RRP8: variants seen among roughly 807,000 people sequenced by gnomAD.
RRP8 encodes ribosomal RNA-processing protein 8.
A neutral mutation model predicts 45.0 loss-of-function variants in RRP8; 48 were observed. The observed-to-expected ratio is 1.07, with a 90% CI of 0.85 to 1.36. The LOEUF (loss-of-function observed/expected upper bound fraction) is 1.36, where lower values mean the gene tolerates loss of function less well. Among genes scored for constraint, RRP8 ranks in the 40% most tolerant of loss-of-function variants. RRP8 has a pLI of 0.00. For synonymous variants in RRP8, 274 were observed against 212.4 expected (o/e 1.29, Z -2.52); for missense variants, 658 against 573.7 (o/e 1.15, Z -1.50).
At position 6,601,277 on chromosome 11, in the gene RRP8, G is replaced by A; in HGVS notation, c.789C>T (p.Ser263=). 2 of 1,612,676 alleles carry A rather than the reference G, an allele frequency of 1.2e-6. No homozygotes were observed. Among genetic ancestry groups the A allele is most frequent in the South Asian group, 2.2e-5 (2 of 90,862 alleles). Residue 263 remains serine (S), a synonymous_variant, in exon 3 of 7, where the codon AGC becomes AGT. Coordinates refer to ENST00000254605, the MANE Select transcript of RRP8 (RefSeq NM_015324.4). ...CCTGGAAGAGACGCTGTGCAGCACT[G>A]CTGGGCCCTGAGTACAACTGTTCAT... is the stretch of plus-strand genomic sequence containing the variant. ...YLNEQLYSGP[S]SAAQRLFQED... is the part of the protein sequence containing the mutation.
intron 1 of RRP8, 132 bp downstream of exon 1, chr11:6,603,272 C>T (rs1854496653): frequency 3.2e-6 from 2 of 632,946 alleles, no homozygotes; most frequent in Admixed American, 7.3e-5. Context: ...TGGAAGTTCT[C>T]GGATCTTCAG....
At chr11:6,600,336 C>T (rs1327139624) in intron 6 of RRP8, 71 bp from the exon 7 acceptor site, 17 of 1,309,116 alleles carry the variant, frequency 1.3e-5, no homozygotes, top group Non-Finnish European at 1.6e-5. Context: ...CCTCTATGTA[C>T]TGCCTCTGCT....
rs1854519377 is a variant in RRP8 at position 6,603,595 on chromosome 11, G to C, written c.-93C>G. ...CGGAGCGCTCAGACCTGCCAGAACC[G>C]ACCCGGAAACCAAAGCGTGACAGCC... On this transcript the variant is annotated 5_prime_UTR_variant, in exon 1 of 7. Coordinates refer to ENST00000254605, the MANE Select transcript of RRP8 (RefSeq NM_015324.4). 6.5e-6 allele frequency: 5 copies of C among 767,816 alleles called. No homozygotes were observed. The highest frequency in any genetic ancestry group is 1.0e-5 in the Non-Finnish European group (5 of 498,754). 47.6% of individuals were successfully genotyped at this position (767,816 alleles called of 1,614,324 possible).
intron 1 of RRP8, among the ~76,000 whole-genome samples, chr11:6,603,074 T>G (rs1336334775): frequency 1.3e-5 from 2 of 152,248 alleles, no homozygotes; most frequent in Non-Finnish European, 2.9e-5. Flanking sequence ...CTCTTGAACT[T>G]GAACAGCATA....
rs1205063030 is a variant in RRP8 at position 6,601,298 on chromosome 11, T to C, written c.768A>G (p.Glu256=). ...LDGARFRYLN[E]QLYSGPSSAA... ...CACTGCTGGGCCCTGAGTACAACTG[T>C]TCATTGAGGTAGCGAAATCGGGCCC... Residue 256 remains glutamate, a synonymous_variant, in exon 3 of 7, where the codon GAA becomes GAG. Coordinates refer to ENST00000254605, the MANE Select transcript of RRP8 (RefSeq NM_015324.4). The C allele has an allele frequency of 1.2e-6, 2 of 1,613,464 alleles. No homozygotes were observed. The highest frequency in any genetic ancestry group is 8.5e-7 in the Non-Finnish European group (1 of 1,179,738).
chr11:6,600,931 C>T lies in RRP8; in HGVS notation c.1042G>A (p.Ala348Thr), dbSNP rs1185424100. 6.2e-7 allele frequency: 1 copy of T among 1,614,030 alleles called. No homozygotes were observed. The highest frequency in any genetic ancestry group is 8.5e-7 in the Non-Finnish European group (1 of 1,180,018). The change falls in exon 4 of 7, where the codon GCC (alanine) becomes ACC (threonine). Residue 348 changes from alanine (A) to threonine (T), a missense_variant. By Grantham distance (58) the Ala-to-Thr change is moderately conservative (BLOSUM62 0). Transcript: ENST00000254605. ...LDPRVTVCDM[A>T]QVPLEDESVD... ...CAGATAACATAGGGGTTTACCTGGG[C>T]CATGTCACACACAGTGACCCTAGGG... is the stretch of plus-strand genomic sequence containing the variant.
Position 6,603,553 on chromosome 11 carries a change from A to G in RRP8, c.-51T>C. 8.1e-7 allele frequency: 1 copy of G among 1,238,394 alleles called. No homozygotes were observed. Among genetic ancestry groups the G allele is most frequent in the Non-Finnish European group, 1.1e-6 (1 of 889,390 alleles). The allele number at this position is 1,238,394 out of a possible 1,614,324, so 76.7% of individuals were successfully genotyped here. ...AGTCCCCGCTCTTCTCCACGTGCAC[A>G]GCGCTCCTCTGGAAGTCGGAGCGCT... On this transcript the variant is annotated 5_prime_UTR_variant, in exon 1 of 7. Coordinates refer to ENST00000254605, the MANE Select transcript of RRP8 (RefSeq NM_015324.4).
chr11:6,603,435 C>T lies in RRP8; in HGVS notation c.68G>A (p.Arg23Gln). The T allele has an allele frequency of 1.2e-6, 2 of 1,604,606 alleles. No homozygotes were observed. Among genetic ancestry groups the T allele is most frequent in the South Asian group, 1.1e-5 (1 of 89,350 alleles). Residue 23 changes from arginine to glutamine, a missense_variant, in exon 1 of 7, where the codon CGA (arginine) becomes CAA (glutamine). By Grantham distance (43) the Arg-to-Gln change is conservative. Transcript: ENST00000254605. ...VAAGLGPVIS[R>Q]PPPAASSQNK... is the part of the protein sequence containing the mutation. ...TTGCGAGGAGGCCGCAGGCGGAGGT[C>T]GTGAGATTACGGGCCCAAGGCCCGC...
chr11:6,601,537 G>A lies in RRP8; in HGVS notation c.529C>T (p.Pro177Ser), dbSNP rs749154427. The A allele has an allele frequency of 6.2e-7, 1 of 1,609,094 alleles. No homozygotes were observed. The change falls in exon 3 of 7, where the codon CCT (proline) becomes TCT (serine). Residue 177 changes from proline (P) to serine (S), a missense_variant. Physicochemically the swap from Pro to Ser is moderately conservative, Grantham distance 74 (BLOSUM62 -1). Transcript: ENST00000254605. ...PPKQSPGSTSPKPPHTLSRKQ... is the reference protein window; with the variant it reads ...PPKQSPGSTSSKPPHTLSRKQ... ...CGGCTTAATGTATGAGGGGGTTTAG[G>A]GGAAGTGGACCCAGGGCTTTGCTTT...
rs969349975 is a variant in RRP8, at chr11:6,601,578, G to C, written c.488C>G (p.Thr163Ser). The C allele has an allele frequency of 1.2e-6, 2 of 1,602,482 alleles. No homozygotes were observed. The highest frequency in any genetic ancestry group is 2.7e-5 in the African/African-American group (2 of 75,002). Reference protein sequence around the residue: ...QTGPKAWKGSTTNDPPKQSPG... With the variant: ...QTGPKAWKGSSTNDPPKQSPG... ...GCTTTGCTTTGGTGGATCATTTGTA[G>C]TACTACCCTTCCAGGCTTTGGGACC... The change falls in exon 3 of 7, where the codon ACT becomes AGT. Residue 163 changes from threonine to serine, a missense_variant. By Grantham distance (58) the Thr-to-Ser change is moderately conservative. Coordinates refer to ENST00000254605, the MANE Select transcript of RRP8 (RefSeq NM_015324.4).
chr11:6,602,568 G>C (rs1854442964), intron 1 of RRP8, among the ~76,000 whole-genome samples: 1 of 152,196 alleles, frequency 6.6e-6, no homozygotes, highest in African/African-American at 2.4e-5. Context: ...AGGTAAGGAG[G>C]CTTCTGAACA....
rs759561739 is a variant in RRP8, at chr11:6,600,710, G to A, written c.1113C>T (p.Ile371=). The A allele has an allele frequency of 6.2e-7, 1 of 1,614,136 alleles. No individual in the cohort carries two copies. Among genetic ancestry groups the A allele is most frequent in the African/African-American group, 1.3e-5 (1 of 75,028 alleles). The part of the protein sequence containing the change: ...VFCLSLMGTN[I]RDFLEEANRV... ...TATTTGCCTCCTCTAGGAAGTCCCTGATGTTGGTTCCCATCAGTGAAAGGC... is the reference window on the plus strand; with the variant it reads ...TATTTGCCTCCTCTAGGAAGTCCCTAATGTTGGTTCCCATCAGTGAAAGGC... Residue 371 remains isoleucine (I), a synonymous_variant, in exon 5 of 7, where the codon ATC becomes ATT. Coordinates refer to ENST00000254605, the MANE Select transcript of RRP8 (RefSeq NM_015324.4).
chr11:6,602,093 T>C lies in RRP8; in HGVS notation c.222A>G (p.Lys74=). 9.3e-6 allele frequency: 15 copies of C among 1,613,484 alleles called. No homozygotes were observed. The highest frequency in any genetic ancestry group is 1.3e-5 in the Non-Finnish European group (15 of 1,179,560). ...SEEEEEERKK[K]CPKKASFASA... Reference sequence around the variant, plus strand: ...TGGCAAATGATGCCTTTTTGGGGCATTTCTTCTTCCTTTCCTCCTCCTCCT... The same window carrying C: ...TGGCAAATGATGCCTTTTTGGGGCACTTCTTCTTCCTTTCCTCCTCCTCCT... The change falls in exon 2 of 7, where the codon AAA becomes AAG. Residue 74 remains lysine (K), a synonymous_variant. Coordinates refer to ENST00000254605, the MANE Select transcript of RRP8 (RefSeq NM_015324.4).
rs150955423 is a variant in RRP8, at chr11:6,601,221, C to T, written c.845G>A (p.Arg282His). Residue 282 changes from arginine (R) to histidine (H), a missense_variant, in exon 3 of 7, where the codon CGC (arginine) becomes CAC (histidine). By Grantham distance (29) the Arg-to-His change is conservative. Coordinates refer to ENST00000254605, the MANE Select transcript of RRP8 (RefSeq NM_015324.4). ...EDPEAFLLYH[R>H]GFQSQVKKWP... ...CTTCTTCACTTGGCTCTGGAAGCCG[C>T]GGTGGTAGAGAAGAAAAGCCTCAGG... 526 of 1,612,102 alleles carry T rather than the reference C, an allele frequency of 3.3e-4. No homozygotes were observed. The highest frequency in any genetic ancestry group is 6.0e-4 in the Admixed American group (36 of 59,604).
intron 5 of RRP8, 24 bp from the exon 6 acceptor site, chr11:6,600,606 G>T (rs769591332): frequency 6.2e-7 from 1 of 1,612,888 alleles, no homozygotes; most frequent in South Asian, 1.1e-5. Flanking sequence ...AAAGTTCTGT[G>T]TAAGTGCACA....
chr11:6,600,147 C>A lies in RRP8; in HGVS notation c.1370G>T (p.Ter457LeuextTer6). ...QLQPCLYKRR[*>L] ...CCCCTTTCAAGGAAGATCCAGAGGT[C>A]ACCTGCGCTTGTAGAGACATGGCTG... is the stretch of plus-strand genomic sequence containing the variant. The change falls in exon 7 of 7, where the codon TGA becomes TTA. Residue 457 changes from the stop codon to leucine, a stop_lost. Coordinates refer to ENST00000254605, the MANE Select transcript of RRP8 (RefSeq NM_015324.4). 2 of 1,574,406 alleles carry A rather than the reference C, an allele frequency of 1.3e-6. No homozygotes were observed. The highest frequency in any genetic ancestry group is 2.3e-5 in the South Asian group (2 of 85,922).
In RRP8 at chr11:6,600,674, C is replaced by T; in HGVS notation, c.1149G>A (p.Lys383=). 1 of 1,613,920 alleles carries T rather than the reference C, an allele frequency of 6.2e-7. No homozygotes were observed. The highest frequency in any genetic ancestry group is 8.5e-7 in the Non-Finnish European group (1 of 1,179,796). ...DFLEEANRVL[K]PGGLLKVAEV... is the part of the protein sequence containing the mutation. The stretch of plus-strand genomic sequence containing the variant: ...TGTGTCCTGGGGGCTCTTACCCTGG[C>T]TTCAGTACTCTATTTGCCTCCTCTA... Residue 383 remains lysine, a synonymous_variant, in exon 5 of 7, where the codon AAG becomes AAA. Transcript: ENST00000254605.
In RRP8 at chr11:6,602,144, G is replaced by A; in HGVS notation, c.171C>T (p.Pro57=). The stretch of plus-strand genomic sequence containing the variant: ...CCTCAGAGTCACTTATACATAGGCT[G>A]GGGGGATGCTGGGAAAGAGATGCTG... ...LEAASLSQHP[P]SLCISDSEEE... The change falls in exon 2 of 7, where the codon CCC becomes CCT. Residue 57 remains proline (P), a synonymous_variant. Transcript: ENST00000254605. The A allele has an allele frequency of 1.9e-6, 3 of 1,605,598 alleles. No homozygotes were observed. Among genetic ancestry groups the A allele is most frequent in the Non-Finnish European group, 2.6e-6 (3 of 1,174,618 alleles).
rs748928397 is a variant in RRP8 at position 6,601,143 on chromosome 11, AT to A, written c.917+5del. 1 of 1,613,788 alleles carries A rather than the reference AT, an allele frequency of 6.2e-7. No individual in the cohort carries two copies. Among genetic ancestry groups the A allele is most frequent in the East Asian group, 2.2e-5 (1 of 44,878 alleles). ...TGGCTTCTCACAGTCCCTGACCCCC[AT>A]TCACCGCTGGCGAAGATCCCTGGCG... On this transcript the variant is annotated splice_donor_5th_base_variant and intron_variant, in intron 3 of 6. Transcript: ENST00000254605.
Sources: allele counts gnomAD v4.1 joint callset (sites outside exome capture counted in the v4.1 genomes callset), GRCh38; gene constraint gnomAD v4.1.1; transcripts MANE v1.5; gene names NCBI Gene and HGNC (gene_info 2026-07-23, HGNC 2026-07-21).